Variants in BEST3 observed in about 807,000 individuals in gnomAD.
BEST3 encodes the protein bestrophin-3.
In BEST3, 50 loss-of-function variants were observed where a neutral mutation model predicts 47.1. The observed-to-expected ratio is 1.06, with a 90% confidence interval of 0.85 to 1.34. BEST3 has a LOEUF of 1.34. Among genes scored for constraint, BEST3 ranks in the 40% most tolerant of loss-of-function variants. BEST3 has a pLI of 0.00. For missense variants in BEST3, 765 were observed against 817.0 expected, an observed-to-expected ratio of 0.94 and a Z score of 0.78; for synonymous variants, 282 against 298.8, an observed-to-expected ratio of 0.94 and a Z score of 0.58.
intron 4 of BEST3, among the ~76,000 whole-genome samples, chr12:69,688,271 T>C (rs1164085054): frequency 6.6e-6 from 1 of 152,188 alleles, no homozygotes; most frequent in Non-Finnish European, 1.5e-5. Flanking sequence ...GGCAGGTGAT[T>C]GGAATGACTG....
At position 69,694,365 on chromosome 12, in the gene BEST3, C is replaced by T. The variant is rs1886055521; in HGVS notation, c.247+5G>A. 2.5e-6 allele frequency: 4 copies of T among 1,587,262 alleles called. No individual in the cohort carries two copies. The highest frequency in any genetic ancestry group is 1.4e-5 in the African/African-American group (1 of 74,040). ...GGCTGCAATCTGCGTGTGACCTATA[C>T]TTACCAAGCACAAAGGTTACTGGAA... On this transcript the variant is annotated splice_donor_5th_base_variant and intron_variant, in intron 3 of 9. Transcript: ENST00000330891.
At chr12:69,677,921 T>C (rs1885018217) in intron 5 of BEST3, among the ~76,000 whole-genome samples, 1 of 152,182 alleles carries the variant, frequency 6.6e-6, no homozygotes, top group Admixed American at 6.5e-5. Context: ...TCGATTTTGG[T>C]AGGTAATCTG....
chr12:69,671,609 C>T lies in BEST3; in HGVS notation c.949-30G>A, dbSNP rs758316954. The T allele has an allele frequency of 4.4e-6, 7 of 1,605,992 alleles. No individual in the cohort carries two copies. The Admixed American group carries it at 1.2e-4, about 27-fold the overall frequency. On this transcript the variant is annotated intron_variant, in intron 8 of 9. Coordinates refer to ENST00000330891, the MANE Select transcript of BEST3 (RefSeq NM_032735.3). ...AATCATTGTTATATTGTTAGAATAA[C>T]TCAGATGTAAATTAAATAAAAAGGA...
chr12:69,673,057 C>G, intron 7 of BEST3, 92 bp from the exon 8 acceptor site: 1 of 936,872 alleles, frequency 1.1e-6, no homozygotes. Context: ...TCTCTGCTTC[C>G]TTGTGTGACT....
In BEST3 at chr12:69,686,185, G is replaced by GAGA. The variant is rs1885571758; in HGVS notation, c.482-7293_482-7292insTCT. ...ACCCCAGAGCTGTGTAATGGATCAG[G>GAGA]AAAAAAAAAAAAACAAACAGCCCAC... is the stretch of plus-strand genomic sequence containing the variant. On this transcript the variant is annotated intron_variant, in intron 4 of 9. Coordinates refer to ENST00000330891, the MANE Select transcript of BEST3 (RefSeq NM_032735.3). 1.7e-4 allele frequency among the ~76,000 whole-genome samples: 20 copies of GAGA among 117,796 alleles called. No individual in the cohort carries two copies. The Admixed American group carries it at 1.8e-3, about 11-fold the overall frequency. 77.3% of individuals were successfully genotyped at this position (117,796 alleles called of 152,430 possible).
intron 4 of BEST3, chr12:69,689,002 T>G (rs879476679): frequency 1.5e-4 from 105 of 694,172 alleles, no homozygotes; most frequent in Non-Finnish European, 1.8e-4. Flanking sequence ...AGAATTCAAC[T>G]GACAAGAAGG....
downstream of BEST3, among the ~76,000 whole-genome samples, chr12:69,650,887 A>G (rs746651552): frequency 7.2e-5 from 11 of 152,200 alleles, no homozygotes; most frequent in Non-Finnish European, 1.5e-4. Flanking sequence ...ATGAAAGGAA[A>G]AAAAAACCAA....
chr12:69,661,438 C>T (rs1883864850), intron 9 of BEST3: 1 of 152,194 alleles, frequency 6.6e-6, no homozygotes, highest in Non-Finnish European at 1.5e-5. Context: ...TGCTAGTGTA[C>T]TCACAGTCAG....
chr12:69,677,251 TC>T lies in BEST3; in HGVS notation c.642del (p.Met214IlefsTer39). On this transcript the variant is annotated frameshift_variant, in exon 6 of 10. Transcript: ENST00000330891. LOFTEE classifies it high-confidence loss of function. The stretch of plus-strand genomic sequence containing the variant: ...AGGCTGCACCAAGAGCGGTATCGAT[TC>T]ATTTCCTAAGCCAGAAACAGATCAA... ...SVDLQSLMTEMNRYRSWCSLL... is the reference protein window; with the variant it reads ...SVDLQSLMTEXNRYRSWCSLL... 6.2e-7 allele frequency: 1 copy of T among 1,611,096 alleles called. No individual in the cohort carries two copies. Among genetic ancestry groups the T allele is most frequent in the Non-Finnish European group, 8.5e-7 (1 of 1,178,510 alleles).
At chr12:69,652,626 G>A (rs150900449), downstream of BEST3, among the ~76,000 whole-genome samples, 2,062 of 152,300 alleles carry the variant, frequency 0.014, 49 homozygotes, top group African/African-American at 0.046. Context: ...CATAAGGGGC[G>A]TGTGGAAGCA....
chr12:69,653,025 G>C (rs1274938935), downstream of BEST3, among the ~76,000 whole-genome samples: 1 of 152,204 alleles, frequency 6.6e-6, no homozygotes, highest in Non-Finnish European at 1.5e-5. Flanking sequence ...AGTCCTTTGA[G>C]AAAAGTCAGT....
chr12:69,669,381 C>T lies in BEST3; in HGVS notation c.1100+2047G>A, dbSNP rs117781624. ...AGTTAAACCTCTCACAAAACCCTCT[C>T]CCAATAGGTTCTGGCCTTTGTCTGT... On this transcript the variant is annotated intron_variant, in intron 9 of 9. Transcript: ENST00000330891. 9.1e-3 allele frequency among the ~76,000 whole-genome samples: 1,380 copies of T among 152,296 alleles called. 11 individuals carry two copies. The highest frequency in any genetic ancestry group is 0.015 in the Non-Finnish European group (996 of 68,028).
chr12:69,655,252 C>T lies in BEST3; in HGVS notation c.1662G>A (p.Glu554=). 6 of 1,614,178 alleles carry T rather than the reference C, an allele frequency of 3.7e-6. No homozygotes were observed. The highest frequency in any genetic ancestry group is 5.1e-6 in the Non-Finnish European group (6 of 1,180,018). The change falls in exon 10 of 10, where the codon GAG becomes GAA. Residue 554 remains glutamate, a synonymous_variant. Coordinates refer to ENST00000330891, the MANE Select transcript of BEST3 (RefSeq NM_032735.3). The part of the protein sequence containing the change: ...GPMGSILSPS[E]KETPPGGPSP... ...TGGGGCCTCCAGGAGGTGTCTCCTT[C>T]TCTGAGGGAGACAGGATGGATCCCA...
chr12:69,660,807 G>A (rs992636308), intron 9 of BEST3: 2 of 152,144 alleles, frequency 1.3e-5, no homozygotes, highest in African/African-American at 4.8e-5. Flanking sequence ...TCCAGAAGAA[G>A]GGAGAGCATG....
chr12:69,677,846 C>T (rs920976605), intron 5 of BEST3, among the ~76,000 whole-genome samples: 3 of 152,108 alleles, frequency 2.0e-5, no homozygotes, highest in Admixed American at 1.3e-4. Context: ...TAATTTCCAA[C>T]ATGTATATTG....
intron 4 of BEST3, chr12:69,684,581 G>A (rs1885449135): frequency 1.5e-6 from 1 of 682,060 alleles, no homozygotes; most frequent in Non-Finnish European, 2.8e-6. Flanking sequence ...AAAACTTGAA[G>A]GCAGAATGGG....
At chr12:69,658,955 T>C (rs1593138795) in intron 9 of BEST3, among the ~76,000 whole-genome samples, 1 of 152,238 alleles carries the variant, frequency 6.6e-6, no homozygotes, top group East Asian at 1.9e-4. Flanking sequence ...AGGGCATTGC[T>C]AGGGTTGTGT....
chr12:69,680,310 C>CTTCTT (rs763385722), intron 4 of BEST3, among the ~76,000 whole-genome samples: 1,866 of 94,828 alleles, frequency 0.02, 333 homozygotes, highest in African/African-American at 0.068. Flanking sequence ...TACACTTGAT[C>CTTCTT]TTTTTTTTTT....
intron 4 of BEST3, among the ~76,000 whole-genome samples, chr12:69,691,463 T>C (rs1036576122): frequency 2.0e-5 from 3 of 152,198 alleles, no homozygotes; most frequent in Non-Finnish European, 4.4e-5. Flanking sequence ...GTCATTCTTG[T>C]CGTACCCAAC....
Sources: gnomAD v4.1 joint callset for allele counts (sites outside exome capture counted in the v4.1 genomes callset) on GRCh38, gnomAD v4.1.1 for gene constraint, MANE v1.5 for transcripts, NCBI Gene and HGNC (gene_info 2026-07-23, HGNC 2026-07-21) for gene names.